SCN3A: variants seen among roughly 807,000 people sequenced by gnomAD.
The protein encoded by SCN3A is sodium channel protein type 3 subunit alpha.
SCN3A carries 60 observed loss-of-function variants against 187.6 expected under a neutral mutation model. The ratio of observed to expected loss-of-function variants is 0.32; its 90% CI spans 0.26 to 0.40. The LOEUF is 0.40. Ranked by LOEUF, SCN3A falls within the 10% of genes least tolerant of loss-of-function variation. SCN3A has a pLI of 1.00. For missense variants in SCN3A, 1,601 were observed against 2,428.2 expected, an observed-to-expected ratio of 0.66 and a Z score of 7.16; for synonymous variants, 788 against 829.2, an observed-to-expected ratio of 0.95 and a Z score of 0.85.
chr2:165,143,412 A>G (rs915250075), intron 12 of SCN3A, among the ~76,000 whole-genome samples: 4 of 152,120 alleles, frequency 2.6e-5, no homozygotes, highest in Non-Finnish European at 5.9e-5. Flanking sequence ...TAATTTGGAT[A>G]TTTTTATGTC....
intron 18 of SCN3A, among the ~76,000 whole-genome samples, chr2:165,124,397 A>C (rs1686866445): frequency 6.6e-6 from 1 of 152,152 alleles, no homozygotes; most frequent in Admixed American, 6.5e-5. Context: ...GATGTCAAAA[A>C]ATTCTATCGT....
chr2:165,198,810 T>C (rs1692141852), intron 1 of SCN3A, among the ~76,000 whole-genome samples: 1 of 151,930 alleles, frequency 6.6e-6, no homozygotes, highest in African/African-American at 2.4e-5. Flanking sequence ...CTCAGAGTAC[T>C]TGGGAACATG....
At chr2:165,165,252 ATG>A (rs142910849) in intron 5 of SCN3A, among the ~76,000 whole-genome samples, 4 of 149,042 alleles carry the variant, frequency 2.7e-5, no homozygotes, top group African/African-American at 7.4e-5. Context: ...CCCTGAGTGT[ATG>A]TGTGTGTGTG....
At chr2:165,136,406 CTGTT>C (rs1687663575) in intron 15 of SCN3A, among the ~76,000 whole-genome samples, 1 of 152,144 alleles carries the variant, frequency 6.6e-6, no homozygotes, top group Non-Finnish European at 1.5e-5. Flanking sequence ...AGGAAGGAAA[CTGTT>C]TATTGAGCAC....
chr2:165,186,315 T>C (rs988386502), intron 2 of SCN3A, among the ~76,000 whole-genome samples: 11 of 151,450 alleles, frequency 7.3e-5, no homozygotes, highest in Admixed American at 5.3e-4. Flanking sequence ...AAAAAAAAAC[T>C]GAGTTAATCT....
intron 2 of SCN3A, among the ~76,000 whole-genome samples, chr2:165,183,775 G>T (rs1288350307): frequency 6.6e-6 from 1 of 151,998 alleles, no homozygotes; most frequent in Admixed American, 6.5e-5. Context: ...ATTAGTTCTG[G>T]TCTGTTTCCA....
At chr2:165,198,044 T>C (rs918007307) in intron 1 of SCN3A, among the ~76,000 whole-genome samples, 2 of 151,914 alleles carry the variant, frequency 1.3e-5, no homozygotes, top group Admixed American at 1.3e-4. Context: ...AGGACGGCAA[T>C]GTGTTTGCCC....
At chr2:165,114,478 G>A (rs918497284) in intron 19 of SCN3A, among the ~76,000 whole-genome samples, 3 of 152,038 alleles carry the variant, frequency 2.0e-5, no homozygotes, top group African/African-American at 7.2e-5. Flanking sequence ...GACTCAGCTC[G>A]TCAGTCAGTA....
rs147841219 is a variant in SCN3A at position 165,167,225 on chromosome 2, A to G, written c.473+1511T>C. ...ATAATTTCTGCTGGGAAAACCACAT[A>G]CAGAGTAGTCTTACATAGGAGTGTC... On this transcript the variant is annotated intron_variant, in intron 5 of 27. Transcript: ENST00000283254. Among the ~76,000 whole-genome samples, 364 of 152,326 alleles carry G rather than the reference A, an allele frequency of 2.4e-3. 3 individuals carry two copies. In the East Asian group the frequency reaches 0.042, roughly 17 times the overall value.
intron 2 of SCN3A, among the ~76,000 whole-genome samples, chr2:165,182,096 C>T (rs1458780305): frequency 6.6e-6 from 1 of 152,102 alleles, no homozygotes; most frequent in African/African-American, 2.4e-5. Context: ...AGTGCCAAAA[C>T]AGTGAAAAAA....
chr2:165,144,067 G>A (rs570495549), intron 12 of SCN3A, among the ~76,000 whole-genome samples: 3 of 152,148 alleles, frequency 2.0e-5, no homozygotes, highest in South Asian at 2.1e-4. Flanking sequence ...AGAAGGCAGG[G>A]CACCCACAAT....
At chr2:165,164,664 T>G (rs1221870093) in intron 5 of SCN3A, 144 bp from the exon 6 acceptor site, 4 of 925,052 alleles carry the variant, frequency 4.3e-6, no homozygotes, top group Admixed American at 2.4e-5. Flanking sequence ...AATAATCTAT[T>G]CATTTAGTTA....
At chr2:165,143,496 T>C (rs144782958) in intron 12 of SCN3A, among the ~76,000 whole-genome samples, 1 of 152,282 alleles carries the variant, frequency 6.6e-6, no homozygotes, top group Non-Finnish European at 1.5e-5. Context: ...TGTATAATAA[T>C]GGGTGTGAGC....
chr2:165,092,548 A>G lies in SCN3A; in HGVS notation c.4537-24T>C. 6.3e-7 allele frequency: 1 copy of G among 1,596,548 alleles called. No individual in the cohort carries two copies. ...TTCTAGAAAGTGAGAGAAGAGAAAT[A>G]AGGTTACTATATATATTTCATAAAG... is the stretch of plus-strand genomic sequence containing the variant. On this transcript the variant is annotated intron_variant, in intron 26 of 27. Coordinates refer to ENST00000283254, the MANE Select transcript of SCN3A (RefSeq NM_006922.4). The surrounding 1 kb of genome is among the most constrained non-coding windows in gnomAD (Gnocchi z 4.2).
chr2:165,171,314 C>G (rs980415644), intron 3 of SCN3A, among the ~76,000 whole-genome samples: 2 of 151,950 alleles, frequency 1.3e-5, no homozygotes, highest in Admixed American at 1.3e-4. Flanking sequence ...CTCCCTATGA[C>G]TCTGAATATG....
At position 165,176,335 on chromosome 2, in the gene SCN3A, T is replaced by G; in HGVS notation, c.60A>C (p.Glu20Asp). The change falls in exon 3 of 28, where the codon GAA becomes GAC. Residue 20 changes from glutamate (E) to aspartate (D), a missense_variant. Glu to Asp is a conservative substitution (Grantham distance 45, BLOSUM62 2). Coordinates refer to ENST00000283254, the MANE Select transcript of SCN3A (RefSeq NM_006922.4). Reference protein sequence around the residue: ...GPESFRLFTRESLAAIEKRAA... With the variant: ...GPESFRLFTRDSLAAIEKRAA... ...CACGTTTTTCGATAGCAGCAAGAGA[T>G]TCTCTAGTAAAAAGGCGGAAGCTTT... 6.2e-7 allele frequency: 1 copy of G among 1,614,082 alleles called. No homozygotes were observed. The highest frequency in any genetic ancestry group is 8.5e-7 in the Non-Finnish European group (1 of 1,179,994).
rs199830282 is a variant in SCN3A, at chr2:165,149,841, TTG to T, written c.1381-2814_1381-2813del. Among the ~76,000 whole-genome samples, 190 of 152,362 alleles carry T rather than the reference TTG, an allele frequency of 1.2e-3. 2 individuals carry two copies. In the East Asian group the frequency reaches 0.023, roughly 19 times the overall value. On this transcript the variant is annotated intron_variant, in intron 11 of 27. Coordinates refer to ENST00000283254, the MANE Select transcript of SCN3A (RefSeq NM_006922.4). Reference sequence around the variant, plus strand: ...GAAATTACATTTTCTTATAACATTTTTGTGTGATTCAAAGTAGGCTCTGTAAC... The same window carrying T: ...GAAATTACATTTTCTTATAACATTTTTGTGATTCAAAGTAGGCTCTGTAAC...
intron 1 of SCN3A, among the ~76,000 whole-genome samples, chr2:165,199,438 C>G (rs1213900805): frequency 1.3e-5 from 2 of 151,902 alleles, no homozygotes; most frequent in Admixed American, 1.3e-4. Context: ...TTTACATGTG[C>G]TGTATTTTAA....
chr2:165,150,385 A>G (rs1248145759), intron 11 of SCN3A, among the ~76,000 whole-genome samples: 1 of 152,220 alleles, frequency 6.6e-6, no homozygotes, highest in Non-Finnish European at 1.5e-5. Context: ...AGGTGCACTA[A>G]TTCTGTCTTT....
Sources: gnomAD v4.1 joint callset for allele counts (sites outside exome capture counted in the v4.1 genomes callset) on GRCh38, gnomAD v4.1.1 for gene constraint, Gnocchi (gnomAD v3.1) non-coding constraint, MANE v1.5 for transcripts, NCBI Gene and HGNC (gene_info 2026-07-23, HGNC 2026-07-21) for gene names.